Variants in EFCAB6 observed in about 807,000 individuals in gnomAD.
EFCAB6 encodes the protein EF-hand calcium binding domain 6.
A neutral mutation model predicts 169.8 loss-of-function variants in EFCAB6; 156 were observed. The observed-to-expected ratio is 0.92, with a 90% CI of 0.81 to 1.05. The LOEUF is 1.05. Among genes scored for constraint, EFCAB6 ranks in the 50% least tolerant of loss-of-function variants. EFCAB6 has a pLI of 0.00. For synonymous variants in EFCAB6, 698 were observed against 676.4 expected (o/e 1.03, Z -0.50); for missense variants, 1,800 against 1,829.1 (o/e 0.98, Z 0.29).
At chr22:43,532,914 T>C (rs1403490246) in intron 30 of EFCAB6, among the ~76,000 whole-genome samples, 1 of 152,248 alleles carries the variant, frequency 6.6e-6, no homozygotes, top group East Asian at 1.9e-4. Flanking sequence ...TCAGCTGTGT[T>C]TGTTCCCCAA....
intron 27 of EFCAB6, among the ~76,000 whole-genome samples, chr22:43,549,267 G>A (rs1348037250): frequency 5.3e-5 from 8 of 151,974 alleles, no homozygotes; most frequent in Non-Finnish European, 5.9e-5. Context: ...TCAACTAAAC[G>A]AAAAGTTGAT....
At chr22:43,660,376 T>A (rs2148143315) in intron 17 of EFCAB6, among the ~76,000 whole-genome samples, 1 of 152,168 alleles carries the variant, frequency 6.6e-6, no homozygotes, top group South Asian at 2.1e-4. Flanking sequence ...ACAGGCACCC[T>A]CAAAATGCCT....
At position 43,608,617 on chromosome 22, in the gene EFCAB6, C is replaced by G; in HGVS notation, c.2563-17G>C. The G allele has an allele frequency of 6.2e-7, 1 of 1,608,628 alleles. No individual in the cohort carries two copies. The highest frequency in any genetic ancestry group is 8.5e-7 in the Non-Finnish European group (1 of 1,175,122). On this transcript the variant is annotated splice_polypyrimidine_tract_variant and intron_variant, in intron 21 of 31. Transcript: ENST00000262726. ...TAGAAAATTCTACAACATCAGAATA[C>G]GGTATTTAGGAACATGTGAAATGTG...
In EFCAB6 at chr22:43,715,896, C is replaced by T. The variant is rs536883484; in HGVS notation, c.882+952G>A. Among the ~76,000 whole-genome samples the T allele has an allele frequency of 2.6e-5, 4 of 152,310 alleles. No homozygotes were observed. In the South Asian group the frequency reaches 8.3e-4, roughly 32 times the overall value. On this transcript the variant is annotated intron_variant, in intron 9 of 31. Coordinates refer to ENST00000262726, the MANE Select transcript of EFCAB6 (RefSeq NM_022785.4). ...GCTTTGTGAGTTCCTCCTGCATTGA[C>T]ATCCGTCTATTGAACATTTTATATT...
chr22:43,644,075 C>T (rs941508914), intron 17 of EFCAB6, among the ~76,000 whole-genome samples: 5 of 152,082 alleles, frequency 3.3e-5, no homozygotes, highest in African/African-American at 2.4e-5. Flanking sequence ...CCACCTGCCT[C>T]GGCCTCCCAA....
intron 6 of EFCAB6, among the ~76,000 whole-genome samples, chr22:43,747,598 C>T (rs145377292): frequency 2.0e-5 from 3 of 152,180 alleles, no homozygotes; most frequent in Non-Finnish European, 4.4e-5. Flanking sequence ...GGAGTGCCTA[C>T]GTCCTCCCCG....
intron 4 of EFCAB6, among the ~76,000 whole-genome samples, chr22:43,769,219 T>C (rs1286818959): frequency 6.6e-6 from 1 of 152,190 alleles, no homozygotes; most frequent in Non-Finnish European, 1.5e-5. Flanking sequence ...CTTAAAAACA[T>C]GTGCTAGACA....
At chr22:43,798,926 C>G (rs2062606091) in intron 2 of EFCAB6, among the ~76,000 whole-genome samples, 1 of 152,220 alleles carries the variant, frequency 6.6e-6, no homozygotes, top group South Asian at 2.1e-4. Flanking sequence ...GAAACAGCCT[C>G]TGATCACTTC....
At chr22:43,733,440 G>C (rs982367588) in intron 7 of EFCAB6, among the ~76,000 whole-genome samples, 20 of 152,168 alleles carry the variant, frequency 1.3e-4, no homozygotes, top group African/African-American at 4.8e-4. Context: ...AGGGAGATGG[G>C]AAACACAACA....
intron 17 of EFCAB6, among the ~76,000 whole-genome samples, chr22:43,641,960 G>A (rs1480643036): frequency 4.6e-5 from 7 of 152,074 alleles, no homozygotes; most frequent in Admixed American, 1.3e-4. Context: ...TTTTTTTTGA[G>A]ATGGAGTTTC....
intron 8 of EFCAB6, among the ~76,000 whole-genome samples, chr22:43,721,131 C>T (rs1223309993): frequency 6.6e-6 from 1 of 151,992 alleles, no homozygotes; most frequent in Non-Finnish European, 1.5e-5. Context: ...GTGCAATAGC[C>T]ACAAAGAAAA....
intron 28 of EFCAB6, among the ~76,000 whole-genome samples, chr22:43,538,639 G>A (rs1414653382): frequency 6.6e-6 from 1 of 152,080 alleles, no homozygotes; most frequent in Admixed American, 6.6e-5. Flanking sequence ...CACCTGCCTC[G>A]GCTTCCCAAA....
chr22:43,765,294 C>A lies in EFCAB6; in HGVS notation c.440+11G>T, dbSNP rs1398882209. 1.2e-6 allele frequency: 2 copies of A among 1,605,346 alleles called. 1 individual carries two copies. Among genetic ancestry groups the A allele is most frequent in the South Asian group, 2.2e-5 (2 of 90,696 alleles). On this transcript the variant is annotated intron_variant, in intron 5 of 31. Coordinates refer to ENST00000262726, the MANE Select transcript of EFCAB6 (RefSeq NM_022785.4). ...ATTTCACATTTTCACATGAGCAAAC[C>A]AAACACTTACCTCTTTATACCATTT... is the stretch of plus-strand genomic sequence containing the variant.
chr22:43,626,012 C>T (rs2054489944), intron 20 of EFCAB6, among the ~76,000 whole-genome samples: 1 of 152,016 alleles, frequency 6.6e-6, no homozygotes, highest in African/African-American at 2.4e-5. Flanking sequence ...TATTTTTGAA[C>T]CCAGATTAAT....
chr22:43,762,288 G>T (rs1369166099), intron 5 of EFCAB6, among the ~76,000 whole-genome samples: 1 of 152,134 alleles, frequency 6.6e-6, no homozygotes, highest in Non-Finnish European at 1.5e-5. Flanking sequence ...TGTAGGCGAT[G>T]GTCCTTTGTT....
intron 10 of EFCAB6, among the ~76,000 whole-genome samples, chr22:43,694,718 T>G (rs2058513454): frequency 1.3e-5 from 2 of 151,938 alleles, no homozygotes; most frequent in South Asian, 4.2e-4. Context: ...ACATGCTCAT[T>G]AGGATAGACA....
In EFCAB6 at chr22:43,757,240, G is replaced by A. The variant is rs562595093; in HGVS notation, c.441-1408C>T. ...ATTCAATAGATACAAAACGCTATTTGTAAAATGTTTAGGAATTAAAGAATA... is the reference window on the plus strand; with the variant it reads ...ATTCAATAGATACAAAACGCTATTTATAAAATGTTTAGGAATTAAAGAATA... On this transcript the variant is annotated intron_variant, in intron 5 of 31. Coordinates refer to ENST00000262726, the MANE Select transcript of EFCAB6 (RefSeq NM_022785.4). 2.0e-5 allele frequency among the ~76,000 whole-genome samples: 3 copies of A among 152,288 alleles called. No homozygotes were observed. In the South Asian group the frequency reaches 6.2e-4, roughly 32 times the overall value.
At chr22:43,608,638 A>T in intron 21 of EFCAB6, 38 bp from the exon 22 acceptor site, 1 of 1,587,874 alleles carries the variant, frequency 6.3e-7, no homozygotes, top group Non-Finnish European at 8.6e-7. Context: ...AACATGTGAA[A>T]TGTGCGTATG....
At chr22:43,627,246 C>T (rs573515403) in intron 19 of EFCAB6, among the ~76,000 whole-genome samples, 91 of 152,264 alleles carry the variant, frequency 6.0e-4, no homozygotes, top group African/African-American at 2.0e-3. Flanking sequence ...ACAGGGATTC[C>T]TATTTTGCAG....
Sources: gnomAD v4.1 joint callset for allele counts (sites outside exome capture counted in the v4.1 genomes callset) on GRCh38, gnomAD v4.1.1 for gene constraint, MANE v1.5 for transcripts, NCBI Gene and HGNC (gene_info 2026-07-23, HGNC 2026-07-21) for gene names.